Variants in KLF12 observed in about 807,000 individuals in gnomAD.
KLF12 encodes Krueppel-like factor 12.
Under a neutral mutation model 37.8 loss-of-function variants are expected in KLF12, and 9 were observed. That is an observed-to-expected ratio of 0.24 (90% CI 0.14 to 0.42). The LOEUF is 0.42. Ranked by LOEUF, KLF12 falls within the 10% of genes least tolerant of loss-of-function variation. KLF12 has a pLI of 1.00. For synonymous variants in KLF12, 208 were observed against 202.1 expected (o/e 1.03, Z -0.25); for missense variants, 411 against 516.0 (o/e 0.80, Z 1.97).
chr13:74,223,263 C>G, the KLF12 span, among the ~76,000 whole-genome samples: 1 of 152,214 alleles, frequency 6.6e-6, no homozygotes, highest in African/African-American at 2.4e-5. Flanking sequence ...TCGGACTCTT[C>G]CATTGCAGAG....
At chr13:73,853,744 A>G (rs980347298) in intron 3 of KLF12, among the ~76,000 whole-genome samples, 7 of 152,160 alleles carry the variant, frequency 4.6e-5, no homozygotes, top group Non-Finnish European at 4.4e-5. Flanking sequence ...GTCTAAAAAA[A>G]AAAAAAAAAT....
the KLF12 span, among the ~76,000 whole-genome samples, chr13:74,211,760 A>G: frequency 6.6e-6 from 1 of 152,198 alleles, no homozygotes; most frequent in Non-Finnish European, 1.5e-5. Context: ...ATGTAAATGA[A>G]TAATTTTGAT....
intron 3 of KLF12, among the ~76,000 whole-genome samples, chr13:73,908,542 A>G (rs1028255102): frequency 5.4e-5 from 8 of 148,598 alleles, no homozygotes; most frequent in Admixed American, 4.7e-4. Context: ...GTGTGATGGC[A>G]TGATCTCGGC....
intron 2 of KLF12, among the ~76,000 whole-genome samples, chr13:73,983,125 C>A (rs1051481101): frequency 2.0e-5 from 3 of 152,116 alleles, no homozygotes; most frequent in Admixed American, 2.0e-4. Flanking sequence ...TCCCTGTCTA[C>A]CATCACTCCT....
At chr13:73,901,232 A>C (rs1888026763) in intron 3 of KLF12, among the ~76,000 whole-genome samples, 1 of 152,208 alleles carries the variant, frequency 6.6e-6, no homozygotes, top group African/African-American at 2.4e-5. Context: ...TATTCCTTTG[A>C]AATTTACTTC....
chr13:73,914,586 A>T (rs1888728796), intron 3 of KLF12, among the ~76,000 whole-genome samples: 1 of 152,216 alleles, frequency 6.6e-6, no homozygotes, highest in Non-Finnish European at 1.5e-5. Flanking sequence ...GGGTGAAGCA[A>T]ATTTAAACAA....
intron 6 of KLF12, among the ~76,000 whole-genome samples, chr13:73,745,149 C>G (rs1878271918): frequency 6.6e-6 from 1 of 152,204 alleles, no homozygotes; most frequent in Non-Finnish European, 1.5e-5. Context: ...AGCCGTGGTT[C>G]ATTACCACAC....
chr13:73,701,499 T>C (rs1488437214), intron 7 of KLF12, among the ~76,000 whole-genome samples: 1 of 152,248 alleles, frequency 6.6e-6, no homozygotes, highest in East Asian at 1.9e-4. Flanking sequence ...ATGTGTTTTA[T>C]GTTTTTCTGA....
intron 4 of KLF12, among the ~76,000 whole-genome samples, chr13:73,823,023 A>G (rs1883616862): frequency 3.3e-5 from 5 of 152,258 alleles, no homozygotes; most frequent in Admixed American, 3.3e-4. Flanking sequence ...GTACACACAT[A>G]TGGAGAACAA....
chr13:74,118,439 A>G (rs1178836120), intron 1 of KLF12, among the ~76,000 whole-genome samples: 1 of 152,234 alleles, frequency 6.6e-6, no homozygotes, highest in Non-Finnish European at 1.5e-5. Flanking sequence ...TTACGCATCA[A>G]AAACACAAAA....
At chr13:73,851,686 C>A (rs932573593) in intron 3 of KLF12, among the ~76,000 whole-genome samples, 1 of 152,040 alleles carries the variant, frequency 6.6e-6, no homozygotes, top group African/African-American at 2.4e-5. Context: ...TTTCTTGTGT[C>A]TTGGTAGAAA....
chr13:73,970,260 T>C (rs1891292182), intron 2 of KLF12, among the ~76,000 whole-genome samples: 1 of 152,164 alleles, frequency 6.6e-6, no homozygotes, highest in South Asian at 2.1e-4. Context: ...GGAGATACTA[T>C]AATCTACTTA....
the KLF12 span, among the ~76,000 whole-genome samples, chr13:74,265,028 T>C: frequency 6.6e-6 from 1 of 152,136 alleles, no homozygotes; most frequent in African/African-American, 2.4e-5. Flanking sequence ...TAGAAAGAAA[T>C]AAAATGACCG....
intron 1 of KLF12, among the ~76,000 whole-genome samples, chr13:74,060,488 G>GTGTGTGTGTGTGTGTGTGTGTGTC (rs1873517325): frequency 6.3e-5 from 6 of 95,378 alleles, no homozygotes; most frequent in Non-Finnish European, 1.2e-4. Context: ...TAGGTTTTGT[G>GTGTGTGTGTGTGTGTGTGTGTGTC]TGTGTGTGTG....
chr13:73,784,874 G>T (rs1231420287), intron 5 of KLF12, among the ~76,000 whole-genome samples: 11 of 152,020 alleles, frequency 7.2e-5, no homozygotes, highest in Middle Eastern at 3.4e-3. Flanking sequence ...CTGACCTCGT[G>T]ATCCACCCGC....
At chr13:74,026,539 T>C (rs1045752150) in intron 1 of KLF12, among the ~76,000 whole-genome samples, 4 of 152,218 alleles carry the variant, frequency 2.6e-5, no homozygotes, top group African/African-American at 9.6e-5. Flanking sequence ...GTAAGTTACA[T>C]ATGCATGCAC....
At chr13:74,296,402 G>T in the KLF12 span, among the ~76,000 whole-genome samples, 1 of 151,982 alleles carries the variant, frequency 6.6e-6, no homozygotes, top group East Asian at 1.9e-4. Context: ...GCCTGGTTTC[G>T]TCTTAAACAT....
chr13:73,794,824 C>G (rs999993297), intron 5 of KLF12, among the ~76,000 whole-genome samples: 2 of 152,130 alleles, frequency 1.3e-5, no homozygotes, highest in Non-Finnish European at 2.9e-5. Context: ...TGTCCCTATG[C>G]AAGGTTCAAC....
At chr13:73,848,993 C>A (rs2138708135) in intron 3 of KLF12, among the ~76,000 whole-genome samples, 1 of 152,228 alleles carries the variant, frequency 6.6e-6, no homozygotes, top group Non-Finnish European at 1.5e-5. Context: ...CATATCCTGA[C>A]AGCCGACACT....
Sources: gnomAD v4.1 joint callset for allele counts (sites outside exome capture counted in the v4.1 genomes callset) on GRCh38, gnomAD v4.1.1 for gene constraint, MANE v1.5 for transcripts, NCBI Gene and HGNC (gene_info 2026-07-23, HGNC 2026-07-21) for gene names.